ERP44: variants seen among roughly 807,000 people sequenced by gnomAD.
ERP44 encodes the protein endoplasmic reticulum protein 44, also known as endoplasmic reticulum resident protein 44.
Under a neutral mutation model 53.4 loss-of-function variants are expected in ERP44, and 25 were observed. That is an observed-to-expected ratio of 0.47 (90% CI 0.34 to 0.65). The LOEUF (loss-of-function observed/expected upper bound fraction) is 0.65. Among genes scored for constraint, ERP44 ranks in the 30% least tolerant of loss-of-function variants. The pLI, the probability that ERP44 is intolerant of heterozygous loss-of-function variation, is 0.01. For synonymous variants in ERP44, 145 were observed against 161.2 expected (o/e 0.90, Z 0.76); for missense variants, 338 against 493.2 (o/e 0.69, Z 2.98).
chr9:100,036,281 T>C (rs1825847716), intron 4 of ERP44, among the ~76,000 whole-genome samples: 1 of 152,224 alleles, frequency 6.6e-6, no homozygotes, highest in African/African-American at 2.4e-5. Flanking sequence ...GAAAATGTGG[T>C]ACATATATGC....
intron 8 of ERP44, among the ~76,000 whole-genome samples, chr9:100,014,282 T>A (rs1190062841): frequency 2.6e-5 from 4 of 152,150 alleles, no homozygotes; most frequent in Non-Finnish European, 5.9e-5. Context: ...TTGTTTTTTG[T>A]TTTTTGTTTT....
At chr9:100,039,599 G>C (rs1199015788) in intron 4 of ERP44, among the ~76,000 whole-genome samples, 1 of 151,790 alleles carries the variant, frequency 6.6e-6, no homozygotes, top group Non-Finnish European at 1.5e-5. Flanking sequence ...ATAACCTAAT[G>C]ATACCTCTTA....
intron 3 of ERP44, among the ~76,000 whole-genome samples, chr9:100,055,176 T>C (rs556265930): frequency 6.6e-6 from 1 of 151,994 alleles, no homozygotes; most frequent in South Asian, 2.1e-4. Flanking sequence ...AAAAAACCTA[T>C]GTAAAGAGTC....
At chr9:100,053,919 A>G (rs1459057641) in intron 3 of ERP44, among the ~76,000 whole-genome samples, 1 of 152,232 alleles carries the variant, frequency 6.6e-6, no homozygotes, top group African/African-American at 2.4e-5. Context: ...ACATGTAATT[A>G]GTTCATACAT....
chr9:100,034,260 T>C (rs1417690690), intron 4 of ERP44, among the ~76,000 whole-genome samples: 1 of 152,178 alleles, frequency 6.6e-6, no homozygotes, highest in African/African-American at 2.4e-5. Context: ...TCAGTGCTCA[T>C]TATGATAATT....
At chr9:99,998,663 C>T in intron 10 of ERP44, 1 of 764,442 alleles carries the variant, frequency 1.3e-6, no homozygotes, top group Non-Finnish European at 2.4e-6. Flanking sequence ...CTCTTTGTCA[C>T]TGCTGCTGTG....
chr9:99,993,518 G>A (rs1587955819), intron 10 of ERP44, among the ~76,000 whole-genome samples: 1 of 152,176 alleles, frequency 6.6e-6, no homozygotes, highest in East Asian at 1.9e-4. Flanking sequence ...AATTCAAGAT[G>A]GATTAAAGAC....
rs184141995 is a variant in ERP44 at position 100,042,019 on chromosome 9, C to T, written c.286+10398G>A. Among the ~76,000 whole-genome samples, 18 of 152,264 alleles carry T rather than the reference C, an allele frequency of 1.2e-4. No homozygotes were observed. The Middle Eastern group carries it at 0.01, about 86-fold the overall frequency. ...GGGCAAAGACTTCTTGAGCAATCTCCGATAGGCACAGGCAACCAAAGTAAA... is the reference window on the plus strand; with the variant it reads ...GGGCAAAGACTTCTTGAGCAATCTCTGATAGGCACAGGCAACCAAAGTAAA... On this transcript the variant is annotated intron_variant, in intron 4 of 11. Coordinates refer to ENST00000262455, the MANE Select transcript of ERP44 (RefSeq NM_015051.3).
chr9:100,000,437 A>C (rs1379876848), intron 10 of ERP44, among the ~76,000 whole-genome samples: 1 of 45,642 alleles, frequency 2.2e-5, no homozygotes, highest in African/African-American at 5.5e-5. Context: ...TCCTGTATCA[A>C]AAAAAAAAAA....
At chr9:100,037,039 C>CT (rs1491482063) in intron 4 of ERP44, among the ~76,000 whole-genome samples, 1 of 152,180 alleles carries the variant, frequency 6.6e-6, no homozygotes, top group Non-Finnish European at 1.5e-5. Context: ...CAGGTGAACA[C>CT]TCACACTACC....
chr9:100,040,827 A>G (rs1825891924), intron 4 of ERP44, among the ~76,000 whole-genome samples: 1 of 152,224 alleles, frequency 6.6e-6, no homozygotes, highest in Non-Finnish European at 1.5e-5. Flanking sequence ...ATACAAAATC[A>G]ACTTACAAAA....
At chr9:99,987,716 C>T (rs994099018) in intron 10 of ERP44, among the ~76,000 whole-genome samples, 1 of 152,134 alleles carries the variant, frequency 6.6e-6, no homozygotes, top group African/African-American at 2.4e-5. Context: ...CAACTGTTGA[C>T]CTTCTATGTT....
chr9:99,995,310 C>T (rs1038482111), intron 10 of ERP44, among the ~76,000 whole-genome samples: 8 of 152,126 alleles, frequency 5.3e-5, no homozygotes, highest in Non-Finnish European at 7.4e-5. Context: ...TTATTTATTC[C>T]TTTCAGGTCT....
chr9:100,075,808 T>C (rs1244988351), intron 1 of ERP44, among the ~76,000 whole-genome samples: 3 of 152,180 alleles, frequency 2.0e-5, no homozygotes, highest in Non-Finnish European at 4.4e-5. Context: ...TTTGGGTGTA[T>C]TACTCCAGCC....
At chr9:100,089,170 A>G (rs1309978800) in intron 1 of ERP44, among the ~76,000 whole-genome samples, 2 of 152,238 alleles carry the variant, frequency 1.3e-5, no homozygotes, top group Non-Finnish European at 2.9e-5. Flanking sequence ...CTGCAGACAT[A>G]ACCCGCCCCT....
intron 10 of ERP44, among the ~76,000 whole-genome samples, chr9:99,992,666 C>T (rs532342994): frequency 6.6e-5 from 10 of 152,086 alleles, no homozygotes; most frequent in South Asian, 2.1e-4. Context: ...GTTCTGGCCA[C>T]GGCAATCAGG....
At chr9:100,009,799 C>T (rs1329355403) in intron 8 of ERP44, among the ~76,000 whole-genome samples, 1 of 152,144 alleles carries the variant, frequency 6.6e-6, no homozygotes, top group Non-Finnish European at 1.5e-5. Context: ...AATGCCTAGT[C>T]CCCTCCTCTC....
chr9:100,047,796 A>G (rs1825990645), intron 4 of ERP44, among the ~76,000 whole-genome samples: 3 of 152,210 alleles, frequency 2.0e-5, no homozygotes. Flanking sequence ...TGAAAAGGCA[A>G]CCTATAGAAC....
chr9:100,025,811 G>C (rs1262331374), intron 4 of ERP44, among the ~76,000 whole-genome samples: 1 of 152,112 alleles, frequency 6.6e-6, no homozygotes, highest in Non-Finnish European at 1.5e-5. Flanking sequence ...AGACTGTAAA[G>C]GAAGAAATGT....
Sources: allele counts gnomAD v4.1 joint callset (sites outside exome capture counted in the v4.1 genomes callset), GRCh38; gene constraint gnomAD v4.1.1; transcripts MANE v1.5; gene names NCBI Gene and HGNC (gene_info 2026-07-23, HGNC 2026-07-21).